The following FRA10AC1 variants were observed in gnomAD, a reference collection of about 807,000 sequenced individuals.
FRA10AC1 encodes the protein protein FRA10AC1.
FRA10AC1 carries 43 observed loss-of-function variants against 56.5 expected under a neutral mutation model. The ratio of observed to expected loss-of-function variants is 0.76; its 90% CI spans 0.60 to 0.98. The LOEUF is 0.98. Among genes scored for constraint, FRA10AC1 ranks in the 50% least tolerant of loss-of-function variants. FRA10AC1 has a pLI of 0.00. For missense variants in FRA10AC1, 346 were observed against 351.8 expected (o/e 0.98, Z 0.13); for synonymous variants, 112 against 110.5 (o/e 1.01, Z -0.09).
At chr10:93,690,286 A>G (rs1483066698) in intron 7 of FRA10AC1, among the ~76,000 whole-genome samples, 2 of 152,142 alleles carry the variant, frequency 1.3e-5, no homozygotes, top group African/African-American at 2.4e-5. Context: ...CTCAGCATCC[A>G]TGGTCAGAAT....
At chr10:93,685,735 C>T (rs186710904) in intron 8 of FRA10AC1, among the ~76,000 whole-genome samples, 103 of 151,328 alleles carry the variant, frequency 6.8e-4, no homozygotes, top group Admixed American at 1.1e-3. Context: ...AAATACCCCC[C>T]CCAAAAAAAA....
At chr10:93,702,752 T>G (rs906746819), upstream of FRA10AC1, among the ~76,000 whole-genome samples, 8 of 151,768 alleles carry the variant, frequency 5.3e-5, no homozygotes, top group African/African-American at 1.9e-4. Flanking sequence ...CGGCTCCCAG[T>G]TTTTCCCTGG....
chr10:93,670,845 T>C lies in FRA10AC1; in HGVS notation c.830A>G (p.Asn277Ser). The change falls in exon 13 of 14, where the codon AAC (asparagine) becomes AGC (serine). Residue 277 changes from asparagine to serine, a missense_variant. Transcript: ENST00000359204. ...TGAAGCACTTTCTTCCTCATCAGAG[T>C]TTCCTGTTCATTTAAAAAAGATGAT... The part of the protein sequence containing the change: ...SKKSEDSLLR[N>S]SDEEESASES... 3 of 1,606,518 alleles carry C rather than the reference T, an allele frequency of 1.9e-6. No individual in the cohort carries two copies. Among genetic ancestry groups the C allele is most frequent in the Non-Finnish European group, 1.7e-6 (2 of 1,173,838 alleles).
intron 11 of FRA10AC1, among the ~76,000 whole-genome samples, chr10:93,680,089 T>C (rs905633221): frequency 6.6e-6 from 1 of 152,212 alleles, no homozygotes; most frequent in African/African-American, 2.4e-5. Flanking sequence ...AGCATTCATC[T>C]ACCTGATCTA....
In FRA10AC1 at chr10:93,676,708, A is replaced by C; in HGVS notation, c.788-17T>G. 6.4e-7 allele frequency: 1 copy of C among 1,563,012 alleles called. No individual in the cohort carries two copies. The highest frequency in any genetic ancestry group is 8.6e-7 in the Non-Finnish European group (1 of 1,158,818). On this transcript the variant is annotated splice_polypyrimidine_tract_variant and intron_variant, in intron 11 of 13. Transcript: ENST00000359204. ...ATGAATGTCCTGAAAAGGAAACATCATTGATTTATTAACTATCATCTTGTA... is the reference window on the plus strand; with the variant it reads ...ATGAATGTCCTGAAAAGGAAACATCCTTGATTTATTAACTATCATCTTGTA...
chr10:93,672,528 T>G (rs980708994), intron 12 of FRA10AC1: 3 of 153,082 alleles, frequency 2.0e-5, no homozygotes, highest in African/African-American at 7.2e-5. Context: ...TACTATTGTA[T>G]TACTCTGCTA....
rs761376766 is a variant in FRA10AC1 at position 93,681,379 on chromosome 10, T to G, written c.787+101A>C. 3.6e-5 allele frequency: 28 copies of G among 779,014 alleles called. No homozygotes were observed. The Middle Eastern group carries it at 1.0e-3, about 29-fold the overall frequency. 48.3% of individuals were successfully genotyped at this position (779,014 alleles called of 1,614,324 possible). On this transcript the variant is annotated intron_variant, in intron 11 of 13. Transcript: ENST00000359204. ...CAGTTTCCTCTCAACTACCATAAAA[T>G]GAAATTCTCAATGCATTCACCAATT... is the stretch of plus-strand genomic sequence containing the variant.
rs752977723 is a variant in FRA10AC1 at position 93,670,855 on chromosome 10, AT to A, written c.827-8del. 1.4e-5 allele frequency: 23 copies of A among 1,599,150 alleles called. No individual in the cohort carries two copies. The East Asian group carries it at 5.1e-4, about 36-fold the overall frequency. ...TCTTCCTCATCAGAGTTTCCTGTTC[AT>A]TTAAAAAAGATGATTTTTAAAAACC... is the stretch of plus-strand genomic sequence containing the variant. On this transcript the variant is annotated splice_region_variant and splice_polypyrimidine_tract_variant and intron_variant, in intron 12 of 13. Coordinates refer to ENST00000359204, the MANE Select transcript of FRA10AC1 (RefSeq NM_145246.5).
chr10:93,693,689 T>TATATACACCATATATATATATACAC (rs1317797876), intron 5 of FRA10AC1, among the ~76,000 whole-genome samples: 9 of 100,338 alleles, frequency 9.0e-5, no homozygotes, highest in African/African-American at 2.5e-4. Context: ...TATATATATA[T>TATATACACCATATATATATATACAC]ACCATATATA....
chr10:93,694,896 G>A lies in FRA10AC1; in HGVS notation c.261C>T (p.Tyr87=). ...TGAAGTCTTCTTTTTTGCCACCATA[G>A]TATAAAATATAGTCATTTACGAACT... ...HTKFVNDYIL[Y]YGGKKEDFKR... Residue 87 remains tyrosine (Y), a synonymous_variant, in exon 5 of 14, where the codon TAC becomes TAT. Coordinates refer to ENST00000359204, the MANE Select transcript of FRA10AC1 (RefSeq NM_145246.5). 3 of 1,585,282 alleles carry A rather than the reference G, an allele frequency of 1.9e-6. No homozygotes were observed. Among genetic ancestry groups the A allele is most frequent in the Non-Finnish European group, 2.6e-6 (3 of 1,154,292 alleles).
At chr10:93,690,318 T>C (rs1049354843) in intron 7 of FRA10AC1, among the ~76,000 whole-genome samples, 1 of 152,206 alleles carries the variant, frequency 6.6e-6, no homozygotes, top group Non-Finnish European at 1.5e-5. Flanking sequence ...ATCGGATTTC[T>C]TGCTGCATTT....
chr10:93,680,240 T>C (rs1179667914), intron 11 of FRA10AC1, among the ~76,000 whole-genome samples: 4 of 152,202 alleles, frequency 2.6e-5, no homozygotes, highest in Non-Finnish European at 5.9e-5. Context: ...AAGTGACATA[T>C]TAAATGTTTT....
intron 11 of FRA10AC1, 132 bp from the exon 12 acceptor site, chr10:93,676,823 A>G (rs2058850395): frequency 4.6e-6 from 6 of 1,304,430 alleles, no homozygotes; most frequent in South Asian, 4.1e-5. Flanking sequence ...CTGTTTTCTA[A>G]TCTTTCATGT....
rs10748610 is a variant in FRA10AC1, at chr10:93,702,478, C to G, written c.-104G>C. 0.76 allele frequency: 152,892 copies of G among 200,842 alleles called. 58,941 individuals carry two copies. The highest frequency in any genetic ancestry group is 0.93 in the East Asian group (5,598 of 6,004). 12.4% of individuals were successfully genotyped at this position (200,842 alleles called of 1,614,324 possible). On this transcript the variant is annotated 5_prime_UTR_variant, in exon 1 of 14. Transcript: ENST00000359204. Reference sequence around the variant, plus strand: ...CCACGGCCTGAGAGAGCCGCTGCAGCACAGGTCCCGTGCGCCCTGCCGCAC... The same window carrying G: ...CCACGGCCTGAGAGAGCCGCTGCAGGACAGGTCCCGTGCGCCCTGCCGCAC...
intron 12 of FRA10AC1, chr10:93,671,374 C>T (rs2058759380): frequency 6.6e-6 from 1 of 152,642 alleles, no homozygotes; most frequent in Admixed American, 6.5e-5. Context: ...AGGGAAGAAA[C>T]TGGCATTCTC....
rs1438647030 is a variant in FRA10AC1 at position 93,702,541 on chromosome 10, C to CCGCCGCCGCCGCCGCCGCCGG, written c.-168_-167insCCGGCGGCGGCGGCGGCGGCG. 4.2e-6 allele frequency: 1 copy of CCGCCGCCGCCGCCGCCGCCGG among 236,816 alleles called. No homozygotes were observed. The highest frequency in any genetic ancestry group is 8.1e-6 in the Non-Finnish European group (1 of 122,784). The allele number at this position is 236,816 out of a possible 1,614,324, so 14.7% of individuals were successfully genotyped here. The stretch of plus-strand genomic sequence containing the variant: ...ACCACCACCGCCGCCGCCGCCGCCG[C>CCGCCGCCGCCGCCGCCGCCGG]CGCCGCCCGCAACCCGCCTCTCCCT... On this transcript the variant is annotated 5_prime_UTR_variant, in exon 1 of 14. Coordinates refer to ENST00000359204, the MANE Select transcript of FRA10AC1 (RefSeq NM_145246.5).
rs993335641 is a variant in FRA10AC1 at position 93,670,655 on chromosome 10, T to C, written c.905+115A>G. ...GCTCTAATCTTACCAGGCTAGGCAG[T>C]CCTTGGCATTAAATAGATCACCATG... On this transcript the variant is annotated intron_variant, in intron 13 of 13. Transcript: ENST00000359204. 3 of 639,850 alleles carry C rather than the reference T, an allele frequency of 4.7e-6. No individual in the cohort carries two copies. In the Admixed American group the frequency reaches 8.0e-5, roughly 17 times the overall value. The allele number at this position is 639,850 out of a possible 1,614,324, so 39.6% of individuals were successfully genotyped here.
chr10:93,700,800 C>T (rs1276182486), intron 1 of FRA10AC1, among the ~76,000 whole-genome samples: 1 of 151,988 alleles, frequency 6.6e-6, no homozygotes, highest in Non-Finnish European at 1.5e-5. Context: ...ACCACCTTGC[C>T]CTTTGGATTA....
chr10:93,670,641 A>C, intron 13 of FRA10AC1, 129 bp downstream of exon 13: 1 of 543,618 alleles, frequency 1.8e-6, no homozygotes, highest in Non-Finnish European at 3.2e-6. Flanking sequence ...CTCTAATCTT[A>C]CCAGGCTAGG....
Sources: gnomAD v4.1 joint callset for allele counts (sites outside exome capture counted in the v4.1 genomes callset) on GRCh38, gnomAD v4.1.1 for gene constraint, MANE v1.5 for transcripts, NCBI Gene and HGNC (gene_info 2026-07-23, HGNC 2026-07-21) for gene names.